The following PRKCA variants were observed in gnomAD, a reference collection of about 807,000 sequenced individuals.
PRKCA encodes the protein protein kinase C alpha type.
PRKCA carries 27 observed loss-of-function variants against 87.0 expected under a neutral mutation model. The ratio of observed to expected loss-of-function variants is 0.31; its 90% CI spans 0.23 to 0.43. PRKCA has a LOEUF of 0.43. Among genes scored for constraint, PRKCA ranks in the 20% least tolerant of loss-of-function variants. The probability of loss-of-function intolerance (pLI) is 1.00; values close to 1 mark genes in which losing one functional copy is unlikely to be tolerated. For synonymous variants in PRKCA, 329 were observed against 311.1 expected, an observed-to-expected ratio of 1.06 and a Z score of -0.61; for missense variants, 518 against 852.3, an observed-to-expected ratio of 0.61 and a Z score of 4.88.
chr17:66,497,894 A>T (rs201115022), intron 3 of PRKCA, among the ~76,000 whole-genome samples: 2 of 152,228 alleles, frequency 1.3e-5, no homozygotes, highest in East Asian at 3.8e-4. Flanking sequence ...GCACGGGAAC[A>T]TGCACAATGG....
At chr17:66,609,689 GA>G (rs1439029590) in intron 3 of PRKCA, among the ~76,000 whole-genome samples, 2 of 151,602 alleles carry the variant, frequency 1.3e-5, no homozygotes, top group African/African-American at 2.4e-5. Flanking sequence ...AGGGAACGGG[GA>G]AAAAAAGGGA....
intron 3 of PRKCA, among the ~76,000 whole-genome samples, chr17:66,556,785 T>G (rs1037586856): frequency 6.6e-6 from 1 of 152,222 alleles, no homozygotes; most frequent in Non-Finnish European, 1.5e-5. Context: ...CCTTCCACCA[T>G]GATTTTAAGT....
chr17:66,451,074 A>G (rs1263586198), intron 2 of PRKCA, among the ~76,000 whole-genome samples: 2 of 152,188 alleles, frequency 1.3e-5, no homozygotes, highest in East Asian at 1.9e-4. Flanking sequence ...GATGAAGTGA[A>G]TATGTTCTGT....
At position 66,790,372 on chromosome 17, in the gene PRKCA, C is replaced by A. The variant is rs560323493; in HGVS notation, c.1854+1393C>A. On this transcript the variant is annotated intron_variant, in intron 16 of 16. Transcript: ENST00000413366. ...AATAAGGCCCTTTTGTATCTGACACCCCCGCCTTTTCTTTAGTCAGCCCTG... is the reference window on the plus strand; with the variant it reads ...AATAAGGCCCTTTTGTATCTGACACACCCGCCTTTTCTTTAGTCAGCCCTG... Among the ~76,000 whole-genome samples the A allele has an allele frequency of 2.2e-3, 342 of 152,272 alleles. 2 individuals carry two copies. The highest frequency in any genetic ancestry group is 7.4e-3 in the African/African-American group (308 of 41,552).
intron 8 of PRKCA, among the ~76,000 whole-genome samples, chr17:66,719,255 C>T (rs7214452): frequency 0.086 from 13,127 of 152,008 alleles, 937 homozygotes; most frequent in African/African-American, 0.19. Flanking sequence ...GGATATGATG[C>T]AGTCACTCAA....
At chr17:66,352,986 C>T (rs72846609) in intron 2 of PRKCA, among the ~76,000 whole-genome samples, 7,455 of 152,190 alleles carry the variant, frequency 0.049, 227 homozygotes, top group Admixed American at 0.079. Context: ...TGTATTTCTT[C>T]GGTATCTGTT....
intron 13 of PRKCA, among the ~76,000 whole-genome samples, chr17:66,770,632 T>C (rs1158212653): frequency 6.6e-6 from 1 of 152,228 alleles, no homozygotes; most frequent in Non-Finnish European, 1.5e-5. Context: ...TAGCACCTTC[T>C]TTCTGATCCA....
chr17:66,473,379 T>C (rs1334446236), intron 2 of PRKCA, among the ~76,000 whole-genome samples: 1 of 152,190 alleles, frequency 6.6e-6, no homozygotes, highest in Non-Finnish European at 1.5e-5. Context: ...TACCCATCTC[T>C]TCCTTTCAGC....
chr17:66,541,158 T>C (rs955012771), intron 3 of PRKCA, among the ~76,000 whole-genome samples: 7 of 152,182 alleles, frequency 4.6e-5, no homozygotes, highest in Non-Finnish European at 5.9e-5. Flanking sequence ...AGTAAGATAG[T>C]TTGAACAAAG....
intron 2 of PRKCA, among the ~76,000 whole-genome samples, chr17:66,328,768 A>G (rs1305072606): frequency 2.0e-5 from 3 of 152,180 alleles, no homozygotes; most frequent in Non-Finnish European, 4.4e-5. Context: ...ACTGCACTCT[A>G]GCCTGGGTGA....
In PRKCA at chr17:66,810,424, A is replaced by G. The variant is rs9902742; in HGVS notation, c.*6387A>G. Reference sequence around the variant, plus strand: ...AGCATTTGAAGTCATTGCTTTTGCTACATGATTTGTGTGTGTGAAGGACAT... The same window carrying G: ...AGCATTTGAAGTCATTGCTTTTGCTGCATGATTTGTGTGTGTGAAGGACAT... On this transcript the variant is annotated 3_prime_UTR_variant, in exon 17 of 17. Coordinates refer to ENST00000413366, the MANE Select transcript of PRKCA (RefSeq NM_002737.3). The G allele has an allele frequency of 1.3e-5, 2 of 152,232 alleles. No homozygotes were observed. Among genetic ancestry groups the G allele is most frequent in the Admixed American group, 1.3e-4 (2 of 15,282 alleles). 9.4% of individuals were successfully genotyped at this position (152,232 alleles called of 1,614,324 possible). A position where few individuals can be genotyped will look rare whatever the true frequency, so the allele number is the denominator to read the frequency against.
At chr17:66,654,137 G>A (rs895146069) in intron 5 of PRKCA, among the ~76,000 whole-genome samples, 3 of 152,124 alleles carry the variant, frequency 2.0e-5, no homozygotes, top group Non-Finnish European at 2.9e-5. Context: ...GGAAGTGGTC[G>A]CACCATCTAG....
At chr17:66,685,430 A>G (rs1972599999) in intron 5 of PRKCA, among the ~76,000 whole-genome samples, 1 of 152,164 alleles carries the variant, frequency 6.6e-6, no homozygotes, top group African/African-American at 2.4e-5. Flanking sequence ...GAATGAGGTT[A>G]GATATTTTCT....
intron 2 of PRKCA, among the ~76,000 whole-genome samples, chr17:66,320,099 G>C (rs984519778): frequency 6.6e-6 from 1 of 152,116 alleles, no homozygotes; most frequent in Non-Finnish European, 1.5e-5. Flanking sequence ...GGTGAATCCT[G>C]TTGTCATAGG....
chr17:66,727,914 C>G (rs950702231), intron 8 of PRKCA, among the ~76,000 whole-genome samples: 22 of 152,164 alleles, frequency 1.4e-4, no homozygotes, highest in African/African-American at 5.3e-4. Flanking sequence ...CTCAGGCATC[C>G]CCCACCCCCA....
At chr17:66,691,616 C>T (rs556887508) in intron 8 of PRKCA, among the ~76,000 whole-genome samples, 28 of 152,326 alleles carry the variant, frequency 1.8e-4, no homozygotes, top group East Asian at 1.3e-3. Context: ...ACCTCTGTGA[C>T]GGATGGATCC....
intron 13 of PRKCA, among the ~76,000 whole-genome samples, chr17:66,768,638 G>A (rs186743554): frequency 6.6e-5 from 10 of 152,300 alleles, no homozygotes; most frequent in African/African-American, 1.4e-4. Flanking sequence ...TTACCATGGC[G>A]GAGCAGGGGA....
chr17:66,433,362 T>C (rs1159311360), intron 2 of PRKCA, among the ~76,000 whole-genome samples: 1 of 152,156 alleles, frequency 6.6e-6, no homozygotes, highest in East Asian at 1.9e-4. Context: ...CCTATAAACA[T>C]AGTCAAGAGC....
chr17:66,407,337 C>T (rs574053381), intron 2 of PRKCA, among the ~76,000 whole-genome samples: 2 of 152,078 alleles, frequency 1.3e-5, no homozygotes, highest in Admixed American at 6.6e-5. Flanking sequence ...AGTGAGTTCT[C>T]GGGGATCTGG....
Sources: gnomAD v4.1 joint callset for allele counts (sites outside exome capture counted in the v4.1 genomes callset) on GRCh38, gnomAD v4.1.1 for gene constraint, MANE v1.5 for transcripts, NCBI Gene and HGNC (gene_info 2026-07-23, HGNC 2026-07-21) for gene names.